Variants in GPC5 observed in about 807,000 individuals in gnomAD.
The protein encoded by GPC5 is glypican 5.
A neutral mutation model predicts 53.9 loss-of-function variants in GPC5; 47 were observed. The ratio of observed to expected loss-of-function variants is 0.87; its 90% confidence interval spans 0.69 to 1.11. GPC5 has a LOEUF of 1.11. Among genes scored for constraint, GPC5 ranks in the 50% most tolerant of loss-of-function variants. GPC5 has a pLI of 0.00. For synonymous variants in GPC5, 286 were observed against 263.3 expected, an observed-to-expected ratio of 1.09 and a Z score of -0.84; for missense variants, 748 against 713.1, an observed-to-expected ratio of 1.05 and a Z score of -0.56.
rs1487798670 is a variant in GPC5, at chr13:91,885,487, A to G, written c.1281-22450A>G. 2.0e-5 allele frequency among the ~76,000 whole-genome samples: 3 copies of G among 152,276 alleles called. No homozygotes were observed. In the East Asian group the frequency reaches 5.8e-4, roughly 29 times the overall value. On this transcript the variant is annotated intron_variant, in intron 5 of 7. Transcript: ENST00000377067. ...TGCTTTTGCTGTTCATCATTCAGTG[A>G]TAGCTTTGATCATTGTTTCAGATCT...
At chr13:91,611,384 T>G (rs2033544556) in intron 2 of GPC5, among the ~76,000 whole-genome samples, 1 of 152,214 alleles carries the variant, frequency 6.6e-6, no homozygotes, top group Non-Finnish European at 1.5e-5. Context: ...TGTAGCCTGC[T>G]TTGCTTCCAG....
intron 6 of GPC5, among the ~76,000 whole-genome samples, chr13:92,051,978 G>C (rs9523490): frequency 9.2e-5 from 14 of 151,960 alleles, no homozygotes; most frequent in African/African-American, 3.4e-4. Flanking sequence ...AGCAAATAAA[G>C]TGCAAATGAT....
rs376770335 is a variant in GPC5 at position 92,390,707 on chromosome 13, T to C, written c.1561+245718T>C. Among the ~76,000 whole-genome samples the C allele has an allele frequency of 4.7e-4, 71 of 152,256 alleles. No individual in the cohort carries two copies. The East Asian group carries it at 8.3e-3, about 18-fold the overall frequency. ...GCCCTCACTCACTTTTTAATGCGTATGTATGTGTGTGGCCAAAAAAGAGAA... is the reference window on the plus strand; with the variant it reads ...GCCCTCACTCACTTTTTAATGCGTACGTATGTGTGTGGCCAAAAAAGAGAA... On this transcript the variant is annotated intron_variant, in intron 7 of 7. Transcript: ENST00000377067.
At chr13:92,690,619 T>C (rs2139233143) in intron 7 of GPC5, among the ~76,000 whole-genome samples, 1 of 145,626 alleles carries the variant, frequency 6.9e-6, no homozygotes, top group African/African-American at 2.6e-5. Flanking sequence ...AGGAACTGCG[T>C]TCCTTTGGAG....
intron 6 of GPC5, among the ~76,000 whole-genome samples, chr13:92,063,261 C>A (rs979367222): frequency 6.6e-6 from 1 of 152,116 alleles, no homozygotes. Context: ...AGATTCACTG[C>A]ATTTCCAAGA....
At chr13:92,188,047 T>G (rs2042196656) in intron 7 of GPC5, among the ~76,000 whole-genome samples, 1 of 152,198 alleles carries the variant, frequency 6.6e-6, no homozygotes, top group Non-Finnish European at 1.5e-5. Flanking sequence ...AGTACCTACT[T>G]TGGCTTTTTT....
rs550005399 is a variant in GPC5 at position 91,591,174 on chromosome 13, T to A, written c.326-102013T>A. 2.0e-5 allele frequency among the ~76,000 whole-genome samples: 3 copies of A among 152,322 alleles called. No individual in the cohort carries two copies. The South Asian group carries it at 6.2e-4, about 32-fold the overall frequency. On this transcript the variant is annotated intron_variant, in intron 2 of 7. Coordinates refer to ENST00000377067, the MANE Select transcript of GPC5 (RefSeq NM_004466.6). ...CAACCTTCTATTCTTCTATTGCATC[T>A]AAGTAGAAAAATAGCTCCTTCCTCC...
intron 2 of GPC5, among the ~76,000 whole-genome samples, chr13:91,556,737 T>C (rs776062404): frequency 6.6e-6 from 1 of 151,834 alleles, no homozygotes; most frequent in Non-Finnish European, 1.5e-5. Flanking sequence ...CCAAACGTTG[T>C]ATGTTCTCAC....
chr13:91,410,740 A>G (rs1250598664), intron 1 of GPC5, among the ~76,000 whole-genome samples: 1 of 152,182 alleles, frequency 6.6e-6, no homozygotes, highest in Non-Finnish European at 1.5e-5. Context: ...AACATAGTCC[A>G]TGTTTTCATT....
intron 5 of GPC5, among the ~76,000 whole-genome samples, chr13:91,906,543 A>G (rs1193125968): frequency 6.6e-6 from 1 of 152,128 alleles, no homozygotes; most frequent in Non-Finnish European, 1.5e-5. Flanking sequence ...TTAAAAATGT[A>G]ATAAAATGTA....
In GPC5 at chr13:91,571,792, TGTGTATATATACACACACATAC is replaced by T. The variant is rs1337858903; in HGVS notation, c.326-121390_326-121369del. ...GTGTATATACACACACATATACGTG[TGTGTATATATACACACACATAC>T]GTGTGTGTATATATACACATATACT... On this transcript the variant is annotated intron_variant, in intron 2 of 7. Coordinates refer to ENST00000377067, the MANE Select transcript of GPC5 (RefSeq NM_004466.6). 1.9e-4 allele frequency among the ~76,000 whole-genome samples: 24 copies of T among 125,480 alleles called. 2 individuals carry two copies. The highest frequency in any genetic ancestry group is 6.5e-4 in the African/African-American group (20 of 30,576). The allele number at this position is 125,480 out of a possible 152,430, so 82.3% of individuals were successfully genotyped here.
chr13:91,763,296 A>G (rs1387487645), intron 5 of GPC5, among the ~76,000 whole-genome samples: 1 of 152,154 alleles, frequency 6.6e-6, no homozygotes, highest in Non-Finnish European at 1.5e-5. Context: ...CTTTAAGACC[A>G]TGTACATCTC....
intron 1 of GPC5, among the ~76,000 whole-genome samples, chr13:91,414,401 C>A (rs763949159): frequency 6.6e-6 from 1 of 152,334 alleles, no homozygotes; most frequent in Admixed American, 6.5e-5. Flanking sequence ...GTCAGTTAAA[C>A]CTCTTTCTGT....
chr13:91,435,768 G>A (rs1215726692), intron 1 of GPC5, among the ~76,000 whole-genome samples: 2 of 152,180 alleles, frequency 1.3e-5, no homozygotes, highest in African/African-American at 4.8e-5. Context: ...AATGGTACCA[G>A]CTCCTCCTTG....
At chr13:92,544,887 T>C (rs909292311) in intron 7 of GPC5, among the ~76,000 whole-genome samples, 4 of 151,926 alleles carry the variant, frequency 2.6e-5, no homozygotes, top group African/African-American at 9.7e-5. Flanking sequence ...AAAACTCTCA[T>C]TGAGAGTTAA....
intron 7 of GPC5, among the ~76,000 whole-genome samples, chr13:92,728,245 T>C (rs758299189): frequency 6.6e-6 from 1 of 151,490 alleles, no homozygotes; most frequent in Non-Finnish European, 1.5e-5. Context: ...CTAGGAAAGA[T>C]TGATGAGCAT....
chr13:91,663,422 C>A (rs937345799), intron 2 of GPC5, among the ~76,000 whole-genome samples: 2 of 151,988 alleles, frequency 1.3e-5, no homozygotes, highest in Non-Finnish European at 2.9e-5. Flanking sequence ...ATATTTTAGC[C>A]TCTTTTTTCC....
At chr13:92,285,019 A>AAG in intron 7 of GPC5, among the ~76,000 whole-genome samples, 1 of 152,196 alleles carries the variant, frequency 6.6e-6, no homozygotes, top group African/African-American at 2.4e-5. Flanking sequence ...AAATCTCTTT[A>AAG]CACTGATAAG....
intron 7 of GPC5, among the ~76,000 whole-genome samples, chr13:92,314,378 C>T (rs1487070293): frequency 5.9e-5 from 9 of 152,112 alleles, no homozygotes; most frequent in Non-Finnish European, 1.2e-4. Context: ...TTAGTCACAC[C>T]CCAAAGAGAT....
Sources: gnomAD v4.1 joint callset for allele counts (sites outside exome capture counted in the v4.1 genomes callset) on GRCh38, gnomAD v4.1.1 for gene constraint, MANE v1.5 for transcripts, NCBI Gene and HGNC (gene_info 2026-07-23, HGNC 2026-07-21) for gene names.